The following RBFOX1 variants were observed in gnomAD, a reference collection of about 807,000 sequenced individuals.
The protein encoded by RBFOX1 is RNA binding fox-1 homolog 1, also known as RNA binding protein fox-1 homolog 1.
In RBFOX1, 8 loss-of-function variants were observed where a neutral mutation model predicts 57.7. The ratio of observed to expected loss-of-function variants is 0.14; its 90% CI spans 0.08 to 0.25. RBFOX1 has a LOEUF of 0.25. Ranked by LOEUF, RBFOX1 falls within the 10% of genes least tolerant of loss-of-function variation. The probability of loss-of-function intolerance (pLI) is 1.00; values close to 1 mark genes in which losing one functional copy is unlikely to be tolerated. For synonymous variants in RBFOX1, 326 were observed against 222.4 expected, an observed-to-expected ratio of 1.47 and a Z score of -4.15; for missense variants, 611 against 548.5, an observed-to-expected ratio of 1.11 and a Z score of -1.14.
At chr16:7,041,351 G>C (rs2046122302) in intron 3 of RBFOX1, among the ~76,000 whole-genome samples, 1 of 152,012 alleles carries the variant, frequency 6.6e-6, no homozygotes, top group East Asian at 1.9e-4. Flanking sequence ...GAGAGTCTGT[G>C]GCTCTCAAAG....
intron 4 of RBFOX1, among the ~76,000 whole-genome samples, chr16:5,955,592 C>A (rs1234262056): frequency 6.6e-6 from 1 of 152,002 alleles, no homozygotes; most frequent in Non-Finnish European, 1.5e-5. Flanking sequence ...ATGTATAAGT[C>A]ACCTCTTTGG....
intron 2 of RBFOX1, among the ~76,000 whole-genome samples, chr16:5,501,207 A>G (rs1215122861): frequency 6.7e-6 from 1 of 149,616 alleles, no homozygotes; most frequent in African/African-American, 2.5e-5. Context: ...AATCCCAGCT[A>G]CTAGGGTGGC....
chr16:6,326,585 C>A (rs1033956697), intron 2 of RBFOX1, among the ~76,000 whole-genome samples: 3 of 152,150 alleles, frequency 2.0e-5, no homozygotes, highest in Non-Finnish European at 4.4e-5. Flanking sequence ...TTTCGTCTCC[C>A]AGCAATGACC....
At chr16:5,716,343 T>G in intron 3 of RBFOX1, among the ~76,000 whole-genome samples, 1 of 152,212 alleles carries the variant, frequency 6.6e-6, no homozygotes, top group Non-Finnish European at 1.5e-5. Context: ...ACAGATTGTT[T>G]CATCCCCCAG....
intron 4 of RBFOX1, among the ~76,000 whole-genome samples, chr16:7,327,241 G>A (rs530101011): frequency 6.6e-6 from 1 of 152,180 alleles, no homozygotes; most frequent in Non-Finnish European, 1.5e-5. Flanking sequence ...TGCATAGCAG[G>A]CAAGTTTAAA....
intron 3 of RBFOX1, among the ~76,000 whole-genome samples, chr16:6,821,561 C>T (rs1048868051): frequency 6.6e-6 from 1 of 152,210 alleles, no homozygotes; most frequent in African/African-American, 2.4e-5. Context: ...TTTCTCTCTC[C>T]CCCCAACCGC....
intron 3 of RBFOX1, among the ~76,000 whole-genome samples, 153 bp from the exon 4 acceptor site, chr16:7,051,904 G>C (rs8062524): frequency 0.017 from 2,564 of 152,218 alleles, 76 homozygotes; most frequent in African/African-American, 0.058. Context: ...AGTGAAGCTT[G>C]AGCTATGTAG....
intron 3 of RBFOX1, among the ~76,000 whole-genome samples, chr16:5,707,770 G>T (rs985375384): frequency 6.6e-6 from 1 of 152,196 alleles, no homozygotes; most frequent in African/African-American, 2.4e-5. Context: ...AGGAAAACCT[G>T]TGTAAAGGAC....
At chr16:7,432,548 G>C (rs1200781439) in intron 4 of RBFOX1, among the ~76,000 whole-genome samples, 1 of 152,178 alleles carries the variant, frequency 6.6e-6, no homozygotes, top group East Asian at 1.9e-4. Context: ...GGACCAGAGA[G>C]TAACACTTTT....
At chr16:7,549,742 G>T (rs1044255145) in intron 5 of RBFOX1, among the ~76,000 whole-genome samples, 6 of 152,016 alleles carry the variant, frequency 3.9e-5, no homozygotes, top group Admixed American at 6.6e-5. Context: ...CTTTATTCTG[G>T]CCACGCTGAC....
chr16:6,949,031 C>G (rs901084369), intron 3 of RBFOX1, among the ~76,000 whole-genome samples: 3 of 152,132 alleles, frequency 2.0e-5, no homozygotes, highest in Non-Finnish European at 4.4e-5. Flanking sequence ...AAATTCGACT[C>G]TATGGAGTGT....
At chr16:7,075,894 A>T (rs2058203401) in intron 4 of RBFOX1, among the ~76,000 whole-genome samples, 2 of 151,592 alleles carry the variant, frequency 1.3e-5, no homozygotes, top group East Asian at 4.0e-4. Flanking sequence ...CTTGCATTTC[A>T]ACATGTAAAC....
At chr16:7,377,345 A>G (rs147371939) in intron 4 of RBFOX1, among the ~76,000 whole-genome samples, 7 of 152,312 alleles carry the variant, frequency 4.6e-5, no homozygotes, top group Non-Finnish European at 7.3e-5. Context: ...TGCTGAACCA[A>G]TCGGAAGACA....
chr16:5,481,422 C>G (rs1296128889), intron 2 of RBFOX1, among the ~76,000 whole-genome samples: 2 of 152,326 alleles, frequency 1.3e-5, no homozygotes, highest in East Asian at 3.9e-4. Flanking sequence ...TTTGAATTGT[C>G]TAACCCAGTG....
intron 4 of RBFOX1, among the ~76,000 whole-genome samples, chr16:6,008,232 T>C (rs1046371221): frequency 4.4e-5 from 5 of 112,688 alleles, no homozygotes; most frequent in African/African-American, 1.7e-4. Flanking sequence ...AAAAAGGTAG[T>C]GTGTAGGCAG....
At chr16:6,725,954 T>C (rs1269798687) in intron 3 of RBFOX1, among the ~76,000 whole-genome samples, 2 of 152,148 alleles carry the variant, frequency 1.3e-5, no homozygotes, top group Non-Finnish European at 2.9e-5. Context: ...AACCAGGAAA[T>C]CTATTTTTTA....
chr16:5,377,062 C>G (rs955715468), intron 1 of RBFOX1, among the ~76,000 whole-genome samples: 1 of 151,626 alleles, frequency 6.6e-6, no homozygotes, highest in Non-Finnish European at 1.5e-5. Flanking sequence ...ACCAAGGAAC[C>G]AGAAACCATC....
chr16:7,365,112 C>G (rs1373930043), intron 4 of RBFOX1, among the ~76,000 whole-genome samples: 1 of 152,186 alleles, frequency 6.6e-6, no homozygotes, highest in Non-Finnish European at 1.5e-5. Flanking sequence ...CATCCCAATA[C>G]AAACCATATA....
chr16:7,046,617 T>G (rs2048050175), intron 3 of RBFOX1, among the ~76,000 whole-genome samples: 1 of 146,192 alleles, frequency 6.8e-6, no homozygotes, highest in African/African-American at 2.5e-5. Context: ...TTTTTTTTTT[T>G]TTTTTTTTTG....
Sources: allele counts gnomAD v4.1 joint callset (sites outside exome capture counted in the v4.1 genomes callset), GRCh38; gene constraint gnomAD v4.1.1; transcripts MANE v1.5; gene names NCBI Gene and HGNC (gene_info 2026-07-23, HGNC 2026-07-21).